The following RUFY1 variants were observed in gnomAD, a reference collection of about 807,000 sequenced individuals.
RUFY1 encodes the protein RUN and FYVE domain-containing protein 1.
A neutral mutation model predicts 94.6 loss-of-function variants in RUFY1; 54 were observed. The observed-to-expected ratio is 0.57, with a 90% CI of 0.46 to 0.72. The LOEUF (loss-of-function observed/expected upper bound fraction) is 0.72. Ranked by LOEUF, RUFY1 falls within the 30% of genes least tolerant of loss-of-function variation. The pLI is 0.00. For missense variants in RUFY1, 883 were observed against 883.9 expected, an observed-to-expected ratio of 1.00 and a Z score of 0.01; for synonymous variants, 396 against 347.3, an observed-to-expected ratio of 1.14 and a Z score of -1.56.
At chr5:179,587,837 G>C (rs1306366163) in intron 8 of RUFY1, among the ~76,000 whole-genome samples, 1 of 151,924 alleles carries the variant, frequency 6.6e-6, no homozygotes, top group Admixed American at 6.6e-5. Flanking sequence ...TTTGAGACCA[G>C]CCTGGGCAAC....
At chr5:179,577,266 G>A (rs936284543) in intron 6 of RUFY1, 130 bp downstream of exon 6, 4 of 572,184 alleles carry the variant, frequency 7.0e-6, no homozygotes, top group Admixed American at 3.1e-5. Flanking sequence ...CCGCCTCCCG[G>A]GTTCAAGCGA....
intron 12 of RUFY1, 129 bp from the exon 13 acceptor site, chr5:179,596,433 C>A: frequency 1.7e-6 from 2 of 1,173,752 alleles, no homozygotes; most frequent in East Asian, 2.3e-5. Flanking sequence ...AGCTGAATCT[C>A]CACGTGTTAA....
chr5:179,609,525 C>G lies in RUFY1; in HGVS notation c.*6C>G. On this transcript the variant is annotated 3_prime_UTR_variant, in exon 18 of 18. Transcript: ENST00000319449. ...GCTCCTCCACGGCCTCCTGAACGTCCGTCCTCAGGAGCACAGCCTCACGGA... is the reference window on the plus strand; with the variant it reads ...GCTCCTCCACGGCCTCCTGAACGTCGGTCCTCAGGAGCACAGCCTCACGGA... The G allele has an allele frequency of 6.3e-7, 1 of 1,595,694 alleles. No individual in the cohort carries two copies.
intron 3 of RUFY1, 75 bp downstream of exon 3, chr5:179,562,739 C>A: frequency 1.2e-6 from 1 of 803,694 alleles, no homozygotes; most frequent in Non-Finnish European, 2.2e-6. Context: ...CAATTCCTTG[C>A]TGATGAAGCC....
At chr5:179,603,934 G>C (rs1311595081) in intron 15 of RUFY1, among the ~76,000 whole-genome samples, 1 of 152,192 alleles carries the variant, frequency 6.6e-6, no homozygotes, top group Non-Finnish European at 1.5e-5. Context: ...GAGCGCGCCT[G>C]TAATCCCAGC....
Position 179,609,606 on chromosome 5 carries a change from G to C in RUFY1, c.*87G>C. 7.6e-7 allele frequency: 1 copy of C among 1,318,132 alleles called. No individual in the cohort carries two copies. The allele number at this position is 1,318,132 out of a possible 1,614,324, so 81.7% of individuals were successfully genotyped here. A position where few individuals can be genotyped will look rare whatever the true frequency, so the allele number is the denominator to read the frequency against. On this transcript the variant is annotated 3_prime_UTR_variant, in exon 18 of 18. Transcript: ENST00000319449. ...TTGGGAAATGTGTTCTTTCCCAAGAGTATCAAAGGAAAGAATCAAATTTCT... is the reference window on the plus strand; with the variant it reads ...TTGGGAAATGTGTTCTTTCCCAAGACTATCAAAGGAAAGAATCAAATTTCT...
chr5:179,608,842 A>G (rs958213647), intron 17 of RUFY1, among the ~76,000 whole-genome samples: 1 of 151,428 alleles, frequency 6.6e-6, no homozygotes, highest in Admixed American at 6.6e-5. Context: ...GAGGCAGGAG[A>G]ATCGCTTGAA....
At chr5:179,551,162 CTG>C (rs1432885929) in intron 1 of RUFY1, among the ~76,000 whole-genome samples, 1 of 152,328 alleles carries the variant, frequency 6.6e-6, no homozygotes, top group Non-Finnish European at 1.5e-5. Flanking sequence ...CTTCGGAACT[CTG>C]TAGTAACTCC....
intron 6 of RUFY1, among the ~76,000 whole-genome samples, chr5:179,578,601 A>G (rs889426407): frequency 2.0e-5 from 3 of 152,048 alleles, no homozygotes; most frequent in African/African-American, 7.2e-5. Context: ...CCCAAGGGAA[A>G]AAAACAATGT....
At chr5:179,597,029 G>C (rs1250372976) in intron 13 of RUFY1, 3 of 245,200 alleles carry the variant, frequency 1.2e-5, no homozygotes, top group Non-Finnish European at 2.4e-5. Context: ...GCTGATGCAA[G>C]CTTCATATAA....
intron 10 of RUFY1, among the ~76,000 whole-genome samples, chr5:179,593,151 C>T (rs1319178256): frequency 6.6e-6 from 1 of 152,226 alleles, no homozygotes; most frequent in Non-Finnish European, 1.5e-5. Context: ...TTTCGGCTCA[C>T]TGCAGCCTCC....
rs60336370 is a variant in RUFY1 at position 179,595,553 on chromosome 5, G to GT, written c.1511+605dup. Among the ~76,000 whole-genome samples, 1,115 of 139,782 alleles carry GT rather than the reference G, an allele frequency of 8.0e-3. 5 individuals are homozygous for GT. Among genetic ancestry groups the GT allele is most frequent in the Non-Finnish European group, 8.7e-3 (557 of 63,858 alleles). 91.7% of individuals were successfully genotyped at this position (139,782 alleles called of 152,430 possible). A position where few individuals can be genotyped will look rare whatever the true frequency, so the allele number is the denominator to read the frequency against. ...TTTGGTTTTTTGTTTGTTTGTTCTT[G>GT]TTTTTTTTTTTTTTTGAGCCAGAGT... On this transcript the variant is annotated intron_variant, in intron 12 of 17. Coordinates refer to ENST00000319449, the MANE Select transcript of RUFY1 (RefSeq NM_025158.5).
In RUFY1 at chr5:179,607,480, A is replaced by G. The variant is rs1476098584; in HGVS notation, c.1906-102A>G. 3.3e-6 allele frequency: 3 copies of G among 912,678 alleles called. No homozygotes were observed. In the East Asian group the frequency reaches 7.2e-5, roughly 22 times the overall value. The allele number at this position is 912,678 out of a possible 1,614,324, so 56.5% of individuals were successfully genotyped here. A position where few individuals can be genotyped will look rare whatever the true frequency, so the allele number is the denominator to read the frequency against. ...GATGGAGAAACAGTGCCTCACTAGG[A>G]AACAGGTGCTATGAGGGACAATGGA... is the stretch of plus-strand genomic sequence containing the variant. On this transcript the variant is annotated intron_variant, in intron 16 of 17. Coordinates refer to ENST00000319449, the MANE Select transcript of RUFY1 (RefSeq NM_025158.5).
At chr5:179,602,724 C>CT (rs1766576372) in intron 15 of RUFY1, 1 of 152,326 alleles carries the variant, frequency 6.6e-6, no homozygotes, top group South Asian at 2.1e-4. Flanking sequence ...GAATCGGTCT[C>CT]TGTCTCCTAC....
chr5:179,580,241 G>GTGTATATATATATA (rs149099074), intron 6 of RUFY1, among the ~76,000 whole-genome samples: 232 of 93,874 alleles, frequency 2.5e-3, no homozygotes, highest in Middle Eastern at 0.017. Flanking sequence ...GTGTGTGTGT[G>GTGTATATATATATA]TATATTTTTT....
chr5:179,591,124 C>T (rs1195201933), intron 9 of RUFY1, among the ~76,000 whole-genome samples: 1 of 152,128 alleles, frequency 6.6e-6, no homozygotes, highest in African/African-American at 2.4e-5. Flanking sequence ...TGAGCCACCA[C>T]ACCCAGCCTA....
At chr5:179,559,939 C>G in intron 1 of RUFY1, 86 bp from the exon 2 acceptor site, 2 of 1,513,736 alleles carry the variant, frequency 1.3e-6, no homozygotes, top group South Asian at 1.3e-5. Flanking sequence ...TGGCCTCCTG[C>G]CTGACCCGTC....
Position 179,609,563 on chromosome 5 carries a change from C to A in RUFY1, c.*44C>A. On this transcript the variant is annotated 3_prime_UTR_variant, in exon 18 of 18. Transcript: ENST00000319449. ...ACAGCCTCACGGACAGTGCCAAACC[C>A]TGTGGGTCTCCAGGGGCTTGGGAAA... is the stretch of plus-strand genomic sequence containing the variant. The A allele has an allele frequency of 6.6e-7, 1 of 1,522,096 alleles. No individual in the cohort carries two copies. 94.3% of individuals were successfully genotyped at this position (1,522,096 alleles called of 1,614,324 possible).
chr5:179,599,906 A>G (rs1766163824), intron 14 of RUFY1, among the ~76,000 whole-genome samples: 1 of 152,232 alleles, frequency 6.6e-6, no homozygotes, highest in South Asian at 2.1e-4. Flanking sequence ...ACACTGCACG[A>G]TTCGAGCGAG....
Sources: gnomAD v4.1 joint callset for allele counts (sites outside exome capture counted in the v4.1 genomes callset) on GRCh38, gnomAD v4.1.1 for gene constraint, MANE v1.5 for transcripts, NCBI Gene and HGNC (gene_info 2026-07-23, HGNC 2026-07-21) for gene names.